The following RPUSD1 variants were observed in gnomAD, a reference collection of about 807,000 sequenced individuals.
The protein encoded by RPUSD1 is RNA pseudouridine synthase domain containing 1.
Under a neutral mutation model 22.4 loss-of-function variants are expected in RPUSD1, and 28 were observed. The ratio of observed to expected loss-of-function variants is 1.25; its 90% CI spans 0.93 to 1.72. The LOEUF (loss-of-function observed/expected upper bound fraction) is 1.72, where lower values mean the gene tolerates loss of function less well. Among genes scored for constraint, RPUSD1 ranks in the 40% most tolerant of loss-of-function variants. The probability of loss-of-function intolerance (pLI) is 0.00; values close to 1 mark genes in which losing one functional copy is unlikely to be tolerated. For synonymous variants in RPUSD1, 298 were observed against 201.0 expected, an observed-to-expected ratio of 1.48 and a Z score of -4.08; for missense variants, 596 against 442.2, an observed-to-expected ratio of 1.35 and a Z score of -3.12.
chr16:786,863 C>A lies in RPUSD1; in HGVS notation c.475G>T (p.Asp159Tyr), dbSNP rs1416508953. The A allele has an allele frequency of 1.2e-6, 2 of 1,613,266 alleles. No individual in the cohort carries two copies. The highest frequency in any genetic ancestry group is 8.5e-7 in the Non-Finnish European group (1 of 1,179,974). ...VVLEHGLYAG[D>Y]PVSKVLLKPL... ...TTCAGCAGCACTTTGGAGACAGGAT[C>A]GCCTGCGTACAGCCCGTGTTCCAGA... The change falls in exon 5 of 6, where the codon GAT becomes TAT. Residue 159 changes from aspartate to tyrosine, a missense_variant. Physicochemically the swap from Asp to Tyr is radical, Grantham distance 160. Transcript: ENST00000007264.
chr16:787,560 AC>A lies in RPUSD1; in HGVS notation c.177del (p.Phe60SerfsTer19). 1 of 1,610,202 alleles carries A rather than the reference AC, an allele frequency of 6.2e-7. No individual in the cohort carries two copies. The highest frequency in any genetic ancestry group is 1.1e-5 in the South Asian group (1 of 90,982). ...PELADPDTCY[G>X]FRFCHQLDFS... ...GGCTCCGGCCGCCCCCCCTACCTGA[AC>A]CCGTAGCAGGTGTCAGGGTCGGCCA... On this transcript the variant is annotated frameshift_variant, in exon 2 of 6. Transcript: ENST00000007264. LOFTEE classifies it high-confidence loss of function.
In RPUSD1 at chr16:786,634, G is replaced by GA. The variant is rs767655154; in HGVS notation, c.511+192dup. 16 of 735,274 alleles carry GA rather than the reference G, an allele frequency of 2.2e-5. No individual in the cohort carries two copies. In the South Asian group the frequency reaches 2.4e-4, roughly 11 times the overall value. The allele number at this position is 735,274 out of a possible 1,614,324, so 45.5% of individuals were successfully genotyped here. On this transcript the variant is annotated intron_variant, in intron 5 of 5. Transcript: ENST00000007264. Reference sequence around the variant, plus strand: ...AATCTAGGCCAGCCAGACCCCCAAGGAATCAGTCAGGAGCCAGCAGGGACC... The same window carrying GA: ...AATCTAGGCCAGCCAGACCCCCAAGGAAATCAGTCAGGAGCCAGCAGGGACC...
intron 5 of RPUSD1, 146 bp from the exon 6 acceptor site, chr16:786,523 A>C: frequency 1.2e-6 from 1 of 802,862 alleles, no homozygotes; most frequent in Non-Finnish European, 2.0e-6. Flanking sequence ...CCCTGCCATG[A>C]GTGAGGATGA....
In RPUSD1 at chr16:787,503, T is replaced by C. The variant is rs778642175; in HGVS notation, c.183-26A>G. 4 of 1,594,134 alleles carry C rather than the reference T, an allele frequency of 2.5e-6. No homozygotes were observed. In the African/African-American group the frequency reaches 5.4e-5, roughly 21 times the overall value. ...CTGGAGTGGGACAGAGTCCAGAGTC[T>C]GAGCCACTTTCCTCCACAGACGCCA... On this transcript the variant is annotated intron_variant, in intron 2 of 5. Transcript: ENST00000007264.
At chr16:786,655 G>T in intron 5 of RPUSD1, 172 bp downstream of exon 5, 2 of 747,978 alleles carry the variant, frequency 2.7e-6, no homozygotes, top group East Asian at 5.3e-5. Context: ...GAGCCAGCAG[G>T]GACCCTGTGT....
chr16:785,916 G>A lies in RPUSD1; in HGVS notation c.*34C>T, dbSNP rs1220015528. ...GCCCATCTCCCTAGAGTCCCGCTGT[G>A]CAGCTGACACCCCCTGCCCCAGCCC... On this transcript the variant is annotated 3_prime_UTR_variant, in exon 6 of 6. Coordinates refer to ENST00000007264, the MANE Select transcript of RPUSD1 (RefSeq NM_058192.3). 1.1e-5 allele frequency: 16 copies of A among 1,419,190 alleles called. No homozygotes were observed. The highest frequency in any genetic ancestry group is 1.5e-5 in the Non-Finnish European group (16 of 1,087,396). The allele number at this position is 1,419,190 out of a possible 1,614,324, so 87.9% of individuals were successfully genotyped here.
Position 787,704 on chromosome 16 carries a change from C to T in RPUSD1, c.34G>A (p.Val12Met). ...ACCAGGAAGTCGCGGCTCCGGTACA[C>T]GATGGACAGGTTCTCCACGCTGCCT... ...EPGSVENLSI[V>M]YRSRDFLVVN... Residue 12 changes from valine (V) to methionine (M), a missense_variant, in exon 2 of 6, where the codon GTG becomes ATG. Coordinates refer to ENST00000007264, the MANE Select transcript of RPUSD1 (RefSeq NM_058192.3). The T allele has an allele frequency of 1.2e-6, 2 of 1,611,662 alleles. No individual in the cohort carries two copies. Among genetic ancestry groups the T allele is most frequent in the Middle Eastern group, 3.3e-4 (2 of 6,060 alleles).
At position 785,869 on chromosome 16, in the gene RPUSD1, G is replaced by C; in HGVS notation, c.*81C>G. On this transcript the variant is annotated 3_prime_UTR_variant, in exon 6 of 6. Transcript: ENST00000007264. ...CTGCCTGGCACCTCGAGGCCCCAGAGCCAGTGAGCAGACGCTCGCTCGCCC... is the reference window on the plus strand; with the variant it reads ...CTGCCTGGCACCTCGAGGCCCCAGACCCAGTGAGCAGACGCTCGCTCGCCC... The C allele has an allele frequency of 8.0e-7, 1 of 1,253,200 alleles. No homozygotes were observed. The highest frequency in any genetic ancestry group is 1.0e-6 in the Non-Finnish European group (1 of 957,658). 77.6% of individuals were successfully genotyped at this position (1,253,200 alleles called of 1,614,324 possible).
intron 5 of RPUSD1, 132 bp downstream of exon 5, chr16:786,695 T>C (rs58192458): frequency 1.2e-6 from 1 of 820,170 alleles, no homozygotes; most frequent in Non-Finnish European, 2.1e-6. Context: ...CTGCAGGGCG[T>C]GGAGTTAAGA....
At position 785,699 on chromosome 16, in the gene RPUSD1, G is replaced by A. The variant is rs1165486453; in HGVS notation, c.*251C>T. The A allele has an allele frequency of 2.5e-6, 1 of 403,170 alleles. No homozygotes were observed. The highest frequency in any genetic ancestry group is 4.4e-6 in the Non-Finnish European group (1 of 229,330). The allele number at this position is 403,170 out of a possible 1,614,324, so 25.0% of individuals were successfully genotyped here. A position where few individuals can be genotyped will look rare whatever the true frequency, so the allele number is the denominator to read the frequency against. ...GGCCTCGGTTTCTCCCGGGGCATGTGGGCAGGAAGGCCCTCGGGATCCCGC... is the reference window on the plus strand; with the variant it reads ...GGCCTCGGTTTCTCCCGGGGCATGTAGGCAGGAAGGCCCTCGGGATCCCGC... On this transcript the variant is annotated 3_prime_UTR_variant, in exon 6 of 6. Coordinates refer to ENST00000007264, the MANE Select transcript of RPUSD1 (RefSeq NM_058192.3).
Position 786,382 on chromosome 16 carries a change from G to T in RPUSD1, c.512-5C>A, listed in dbSNP as rs373545276. ...CGCGCAGCTGGTGTGTCCGGCCTGC[G>T]GGATGAGGGCGGTGCCGGATCAAGC... On this transcript the variant is annotated splice_region_variant and splice_polypyrimidine_tract_variant and intron_variant, in intron 5 of 5. Transcript: ENST00000007264. 1.2e-6 allele frequency: 2 copies of T among 1,600,866 alleles called. No homozygotes were observed. Among genetic ancestry groups the T allele is most frequent in the Non-Finnish European group, 1.7e-6 (2 of 1,172,768 alleles).
chr16:787,748 C>T lies in RPUSD1; in HGVS notation c.-7-4G>A, dbSNP rs754881842. 1 of 1,606,294 alleles carries T rather than the reference C, an allele frequency of 6.2e-7. No homozygotes were observed. The highest frequency in any genetic ancestry group is 8.5e-7 in the Non-Finnish European group (1 of 1,178,584). ...GCTGCCTGGCTCCATGGCCGGCCTG[C>T]CGAGCCACGCGTGGGTGCGTGTGCT... On this transcript the variant is annotated splice_region_variant and splice_polypyrimidine_tract_variant and intron_variant, in intron 1 of 5. Transcript: ENST00000007264.
Position 786,382 on chromosome 16 carries a change from G to A in RPUSD1, c.512-5C>T, listed in dbSNP as rs373545276. On this transcript the variant is annotated splice_region_variant and splice_polypyrimidine_tract_variant and intron_variant, in intron 5 of 5. Transcript: ENST00000007264. Reference sequence around the variant, plus strand: ...CGCGCAGCTGGTGTGTCCGGCCTGCGGGATGAGGGCGGTGCCGGATCAAGC... The same window carrying A: ...CGCGCAGCTGGTGTGTCCGGCCTGCAGGATGAGGGCGGTGCCGGATCAAGC... The A allele has an allele frequency of 1.2e-4, 193 of 1,600,866 alleles. No homozygotes were observed. The highest frequency in any genetic ancestry group is 1.8e-4 in the Middle Eastern group (1 of 5,650).
intron 4 of RPUSD1, 43 bp downstream of exon 4, chr16:787,034 C>T (rs959107105): frequency 1.9e-6 from 3 of 1,595,786 alleles, no homozygotes; most frequent in Non-Finnish European, 2.6e-6. Flanking sequence ...CCAGGCCCAC[C>T]CCAACCCACG....
chr16:787,524 C>A (rs760728656), intron 2 of RPUSD1, 32 bp downstream of exon 2: 7 of 1,601,388 alleles, frequency 4.4e-6, no homozygotes, highest in Admixed American at 1.7e-5. Context: ...CCTCCACAGA[C>A]GCCACCGTGG....
At position 786,386 on chromosome 16, in the gene RPUSD1, T is replaced by C; in HGVS notation, c.512-9A>G. On this transcript the variant is annotated splice_polypyrimidine_tract_variant and intron_variant, in intron 5 of 5. Transcript: ENST00000007264. The stretch of plus-strand genomic sequence containing the variant: ...CAGCTGGTGTGTCCGGCCTGCGGGA[T>C]GAGGGCGGTGCCGGATCAAGCTGGG... 1.3e-6 allele frequency: 2 copies of C among 1,599,334 alleles called. No homozygotes were observed. The highest frequency in any genetic ancestry group is 1.7e-6 in the Non-Finnish European group (2 of 1,172,210).
intron 5 of RPUSD1, 102 bp downstream of exon 5, chr16:786,725 C>T (rs1200764167): frequency 1.0e-6 from 1 of 970,426 alleles, no homozygotes; most frequent in Admixed American, 1.7e-5. Flanking sequence ...TGCTTGTTGC[C>T]AGCTCTGCCC....
At chr16:787,981 C>G (rs1003736480) in intron 1 of RPUSD1, 4 of 584,282 alleles carry the variant, frequency 6.8e-6, no homozygotes, top group Non-Finnish European at 9.1e-6. Context: ...TGACCTAAGC[C>G]TGGAGAAAGA....
Position 785,816 on chromosome 16 carries a change from T to G in RPUSD1, c.*134A>C. ...CCACCTCAGCCCTTCCTCGCAGGCCTGGCCGGGGCAACCCAGTGGGCCTGA... is the reference window on the plus strand; with the variant it reads ...CCACCTCAGCCCTTCCTCGCAGGCCGGGCCGGGGCAACCCAGTGGGCCTGA... On this transcript the variant is annotated 3_prime_UTR_variant, in exon 6 of 6. Coordinates refer to ENST00000007264, the MANE Select transcript of RPUSD1 (RefSeq NM_058192.3). The G allele has an allele frequency of 1.2e-6, 1 of 803,894 alleles. No homozygotes were observed. The highest frequency in any genetic ancestry group is 3.8e-5 in the Admixed American group (1 of 26,652). The allele number at this position is 803,894 out of a possible 1,614,324, so 49.8% of individuals were successfully genotyped here.
Sources: allele counts gnomAD v4.1 joint callset, GRCh38; gene constraint gnomAD v4.1.1; transcripts MANE v1.5; gene names NCBI Gene and HGNC (gene_info 2026-07-23, HGNC 2026-07-21).